Variants in STXBP6 observed in about 807,000 individuals in gnomAD.
The protein encoded by STXBP6 is syntaxin-binding protein 6.
In STXBP6, 21 loss-of-function variants were observed where a neutral mutation model predicts 26.9. The ratio of observed to expected loss-of-function variants is 0.78; its 90% CI spans 0.55 to 1.12. The LOEUF (loss-of-function observed/expected upper bound fraction) is 1.12. STXBP6 is among the 50% of genes most tolerant of loss of function. STXBP6 has a pLI of 0.00. For missense variants in STXBP6, 232 were observed against 257.9 expected, an observed-to-expected ratio of 0.90 and a Z score of 0.69; for synonymous variants, 97 against 92.6, an observed-to-expected ratio of 1.05 and a Z score of -0.27.
intron 4 of STXBP6, among the ~76,000 whole-genome samples, chr14:24,832,911 T>G (rs2068498879): frequency 6.6e-6 from 1 of 152,206 alleles, no homozygotes; most frequent in Non-Finnish European, 1.5e-5. Flanking sequence ...TGCTAAATAC[T>G]TTTCATTCAT....
At chr14:25,011,022 T>C (rs1385532086) in intron 1 of STXBP6, among the ~76,000 whole-genome samples, 2 of 150,910 alleles carry the variant, frequency 1.3e-5, no homozygotes, top group African/African-American at 5.0e-5. Context: ...AACTAATTAC[T>C]TAAATCAGAT....
chr14:24,899,518 T>C (rs1191289522), intron 2 of STXBP6, among the ~76,000 whole-genome samples: 1 of 152,022 alleles, frequency 6.6e-6, no homozygotes, highest in African/African-American at 2.4e-5. Flanking sequence ...TGGTGGCTCA[T>C]GCCTGTAATC....
intron 4 of STXBP6, among the ~76,000 whole-genome samples, chr14:24,845,247 C>T (rs2068921506): frequency 6.6e-6 from 1 of 152,056 alleles, no homozygotes; most frequent in Admixed American, 6.6e-5. Context: ...CTCCTGACCT[C>T]GTGATCTGCC....
intron 1 of STXBP6, among the ~76,000 whole-genome samples, chr14:24,976,770 A>G (rs369379687): frequency 6.6e-5 from 10 of 151,852 alleles, no homozygotes; most frequent in African/African-American, 2.4e-4. Context: ...GTGAAAAAGA[A>G]AGCCAGTGGT....
At chr14:24,869,600 C>T (rs759000268) in intron 2 of STXBP6, among the ~76,000 whole-genome samples, 4 of 152,168 alleles carry the variant, frequency 2.6e-5, no homozygotes, top group Non-Finnish European at 5.9e-5. Flanking sequence ...CAATTCTCCA[C>T]TGATAATTTG....
At chr14:25,002,583 T>C (rs1332551165) in intron 1 of STXBP6, among the ~76,000 whole-genome samples, 1 of 151,470 alleles carries the variant, frequency 6.6e-6, no homozygotes, top group Non-Finnish European at 1.5e-5. Context: ...ATGGTCTCGA[T>C]CTCCTGACCT....
At chr14:24,949,735 C>T (rs1287397690) in intron 2 of STXBP6, among the ~76,000 whole-genome samples, 4 of 152,132 alleles carry the variant, frequency 2.6e-5, no homozygotes, top group Non-Finnish European at 5.9e-5. Flanking sequence ...CTAAAAGTTT[C>T]TCTTCAAATA....
At chr14:24,834,072 T>G (rs1455899784) in intron 4 of STXBP6, among the ~76,000 whole-genome samples, 2 of 152,116 alleles carry the variant, frequency 1.3e-5, no homozygotes, top group Non-Finnish European at 2.9e-5. Context: ...CATGGCTCAC[T>G]GCAGCCTTGA....
At chr14:25,012,242 C>G (rs2075048173) in intron 1 of STXBP6, among the ~76,000 whole-genome samples, 1 of 152,192 alleles carries the variant, frequency 6.6e-6, no homozygotes, top group African/African-American at 2.4e-5. Flanking sequence ...TAGTAGTTCT[C>G]AAGTTTGTTG....
intron 1 of STXBP6, among the ~76,000 whole-genome samples, chr14:25,033,073 T>C (rs1383299636): frequency 6.6e-6 from 1 of 152,186 alleles, no homozygotes; most frequent in African/African-American, 2.4e-5. Context: ...TGAGTGGCTA[T>C]TATAAGTAAT....
intron 2 of STXBP6, among the ~76,000 whole-genome samples, chr14:24,927,107 A>G (rs1392675541): frequency 6.6e-6 from 1 of 152,214 alleles, no homozygotes; most frequent in African/African-American, 2.4e-5. Flanking sequence ...ATGAATTTCT[A>G]GTGTTCTTGT....
chr14:25,005,423 T>C (rs1370098764), intron 1 of STXBP6, among the ~76,000 whole-genome samples: 1 of 152,204 alleles, frequency 6.6e-6, no homozygotes, highest in Non-Finnish European at 1.5e-5. Context: ...TCATCTGAAA[T>C]ACTGTGATGA....
At chr14:24,872,435 C>T (rs1231780977) in intron 2 of STXBP6, among the ~76,000 whole-genome samples, 1 of 152,090 alleles carries the variant, frequency 6.6e-6, no homozygotes, top group Non-Finnish European at 1.5e-5. Flanking sequence ...TAGGCATGCA[C>T]ATTTTGGAGT....
At chr14:24,870,465 G>A (rs2069887817) in intron 2 of STXBP6, among the ~76,000 whole-genome samples, 1 of 152,162 alleles carries the variant, frequency 6.6e-6, no homozygotes, top group South Asian at 2.1e-4. Context: ...GTAATACAGA[G>A]TTATAGAGTG....
chr14:25,016,046 G>C (rs961979086), intron 1 of STXBP6, among the ~76,000 whole-genome samples: 2 of 152,146 alleles, frequency 1.3e-5, no homozygotes, highest in Admixed American at 6.5e-5. Flanking sequence ...AAAAAATAAA[G>C]TTATGAGTGG....
rs370121805 is a variant in STXBP6, at chr14:25,013,325, T to C, written c.-33+36553A>G. On this transcript the variant is annotated intron_variant, in intron 1 of 5. Coordinates refer to ENST00000323944, the MANE Select transcript of STXBP6 (RefSeq NM_001394410.1). ...TACCTCAGGATAGCCAAACAGATGA[T>C]TGGATTGGCTAGATTATTCTTCATA... 3.5e-4 allele frequency among the ~76,000 whole-genome samples: 54 copies of C among 152,268 alleles called. 2 individuals are homozygous for C. In the East Asian group the frequency reaches 8.9e-3, roughly 25 times the overall value.
intron 2 of STXBP6, among the ~76,000 whole-genome samples, chr14:24,896,681 G>A (rs2071001968): frequency 6.6e-6 from 1 of 152,218 alleles, no homozygotes; most frequent in South Asian, 2.1e-4. Context: ...GAACAAAGGA[G>A]ATAAAGTCAT....
chr14:24,940,753 C>T (rs1051145203), intron 2 of STXBP6, among the ~76,000 whole-genome samples: 3 of 152,164 alleles, frequency 2.0e-5, no homozygotes, highest in Non-Finnish European at 4.4e-5. Context: ...AGGTGGCTCA[C>T]GCCTGTAATC....
At chr14:24,858,512 G>A (rs961910293) in intron 2 of STXBP6, among the ~76,000 whole-genome samples, 3 of 152,058 alleles carry the variant, frequency 2.0e-5, no homozygotes, top group African/African-American at 7.2e-5. Flanking sequence ...AAAAACTTCT[G>A]AATATTTCAT....
Sources: gnomAD v4.1 joint callset for allele counts (sites outside exome capture counted in the v4.1 genomes callset) on GRCh38, gnomAD v4.1.1 for gene constraint, MANE v1.5 for transcripts, NCBI Gene and HGNC (gene_info 2026-07-23, HGNC 2026-07-21) for gene names.